ZNF875: variants seen among roughly 807,000 people sequenced by gnomAD.
The protein encoded by ZNF875 is HKR1, GLI-Kruppel zinc finger family member.
ZNF875 carries 14 observed loss-of-function variants against 11.2 expected under a neutral mutation model. That is an observed-to-expected ratio of 1.26 (90% CI 0.83 to 1.96). The LOEUF (loss-of-function observed/expected upper bound fraction) is 1.96, where lower values mean the gene tolerates loss of function less well. ZNF875 is among the 30% of genes most tolerant of loss of function. The pLI is 0.00. For missense variants in ZNF875, 752 were observed against 760.4 expected, an observed-to-expected ratio of 0.99 and a Z score of 0.13; for synonymous variants, 301 against 281.1, an observed-to-expected ratio of 1.07 and a Z score of -0.71.
upstream of ZNF875, among the ~76,000 whole-genome samples, chr19:37,331,804 A>G (rs1299409286): frequency 1.6e-5 from 2 of 126,534 alleles, no homozygotes; most frequent in Non-Finnish European, 3.7e-5. Flanking sequence ...CCAGCCCGAC[A>G]CCCCCAGCCC....
intron 2 of ZNF875, chr19:37,346,520 G>A (rs977523284): frequency 3.3e-5 from 5 of 153,144 alleles, no homozygotes; most frequent in African/African-American, 1.2e-4. Context: ...AAGCCCCAGA[G>A]GCACCACTGC....
intron 1 of ZNF875, among the ~76,000 whole-genome samples, chr19:37,319,998 T>G (rs2145647247): frequency 6.6e-6 from 1 of 152,326 alleles, no homozygotes; most frequent in South Asian, 2.1e-4. Context: ...GCCATTCTCC[T>G]GCCTCAGCCT....
At chr19:37,323,135 T>C (rs2031802505) in intron 2 of ZNF875, among the ~76,000 whole-genome samples, 2 of 151,030 alleles carry the variant, frequency 1.3e-5, no homozygotes, top group Non-Finnish European at 1.5e-5. Context: ...CACAAGGAGT[T>C]GTTGGGCAAA....
chr19:37,362,985 A>C lies in ZNF875; in HGVS notation c.1133A>C (p.His378Pro). 6.2e-7 allele frequency: 1 copy of C among 1,614,218 alleles called. No homozygotes were observed. Among genetic ancestry groups the C allele is most frequent in the Non-Finnish European group, 8.5e-7 (1 of 1,180,042 alleles). Residue 378 changes from histidine (H) to proline (P), a missense_variant, in exon 5 of 5, where the codon CAT becomes CCT. Transcript: ENST00000392153. ...CRECGRGFRQHSHLVRHKRTH... is the reference protein window; with the variant it reads ...CRECGRGFRQPSHLVRHKRTH... ...GAATGTGGGCGTGGCTTTCGCCAGC[A>C]TTCACACCTGGTCAGACACAAGAGG...
intron 1 of ZNF875, among the ~76,000 whole-genome samples, chr19:37,321,419 A>G (rs1599859259): frequency 6.6e-6 from 1 of 151,980 alleles, no homozygotes; most frequent in South Asian, 2.1e-4. Context: ...AGATATTCAC[A>G]TGTTTTCCTG....
At chr19:37,344,652 T>C in intron 2 of ZNF875, 1 of 1,604,908 alleles carries the variant, frequency 6.2e-7, no homozygotes, top group Non-Finnish European at 8.5e-7. Context: ...TCTAGCTGTG[T>C]TTCTACTCAG....
intron 4 of ZNF875, chr19:37,324,674 C>G (rs868030148): frequency 6.6e-6 from 1 of 152,226 alleles, no homozygotes; most frequent in Non-Finnish European, 1.5e-5. Flanking sequence ...GAGGATTAAA[C>G]TGCCATTTCA....
At chr19:37,334,574 A>G (rs2033883958), upstream of ZNF875, 2 of 393,166 alleles carry the variant, frequency 5.1e-6, no homozygotes, top group African/African-American at 4.2e-5. Context: ...CTCCGAAACT[A>G]CAATCCCCAG....
chr19:37,335,846 G>C (rs1402493113), intron 2 of ZNF875, among the ~76,000 whole-genome samples: 2 of 152,106 alleles, frequency 1.3e-5, no homozygotes, highest in Admixed American at 1.3e-4. Flanking sequence ...ATGCTGAGTT[G>C]GTCACAATCC....
At chr19:37,335,799 A>G (rs148465550) in intron 2 of ZNF875, among the ~76,000 whole-genome samples, 2 of 152,282 alleles carry the variant, frequency 1.3e-5, no homozygotes, top group East Asian at 3.9e-4. Context: ...CATTCATGAT[A>G]AACAGTTTAC....
chr19:37,329,362 G>A (rs2033029144), intron 4 of ZNF875, among the ~76,000 whole-genome samples: 2 of 152,158 alleles, frequency 1.3e-5, no homozygotes, highest in South Asian at 2.1e-4. Flanking sequence ...GCCATCTACT[G>A]CTGCAGGCTA....
At chr19:37,317,477 G>A (rs1354020456), upstream of ZNF875, among the ~76,000 whole-genome samples, 1 of 152,196 alleles carries the variant, frequency 6.6e-6, no homozygotes, top group Non-Finnish European at 1.5e-5. Flanking sequence ...CCTGGCACTA[G>A]CCTGTTTTTT....
chr19:37,329,459 G>C (rs1398535235), intron 4 of ZNF875, among the ~76,000 whole-genome samples: 2 of 152,178 alleles, frequency 1.3e-5, no homozygotes, highest in Admixed American at 6.5e-5. Flanking sequence ...CTCTCCATAA[G>C]TATTTGATTT....
intron 4 of ZNF875, chr19:37,359,634 C>T: frequency 5.1e-6 from 1 of 195,664 alleles, no homozygotes; most frequent in East Asian, 1.9e-4. Flanking sequence ...AATCTCCTGA[C>T]CTTGTGATCC....
At chr19:37,344,918 G>A (rs1428620654) in intron 2 of ZNF875, 6 of 654,734 alleles carry the variant, frequency 9.2e-6, no homozygotes, top group Non-Finnish European at 1.7e-5. Flanking sequence ...TACCTGAATA[G>A]CCTTTTTCTC....
intron 4 of ZNF875, among the ~76,000 whole-genome samples, chr19:37,360,545 A>G (rs2039721973): frequency 6.6e-6 from 1 of 152,230 alleles, no homozygotes; most frequent in Non-Finnish European, 1.5e-5. Flanking sequence ...CATCTTAATA[A>G]TAGTAAGCCT....
chr19:37,356,220 A>G (rs918825661), intron 4 of ZNF875, among the ~76,000 whole-genome samples: 3 of 152,218 alleles, frequency 2.0e-5, no homozygotes, highest in Admixed American at 2.0e-4. Context: ...TGCTGTTGGG[A>G]ATAGTGCTGC....
At chr19:37,361,347 G>A (rs1600228726) in intron 4 of ZNF875, among the ~76,000 whole-genome samples, 1 of 152,106 alleles carries the variant, frequency 6.6e-6, no homozygotes, top group Non-Finnish European at 1.5e-5. Flanking sequence ...TTGACCTCGT[G>A]ATCTGCCCGC....
intron 2 of ZNF875, chr19:37,344,873 G>A (rs2036473378): frequency 6.3e-6 from 5 of 794,542 alleles, no homozygotes; most frequent in Admixed American, 1.9e-5. Context: ...CTGAGAAGGG[G>A]TTGTAAAAGC....
Sources: gnomAD v4.1 joint callset for allele counts (sites outside exome capture counted in the v4.1 genomes callset) on GRCh38, gnomAD v4.1.1 for gene constraint, MANE v1.5 for transcripts, NCBI Gene and HGNC (gene_info 2026-07-23, HGNC 2026-07-21) for gene names.